The following ERC2 variants were observed in gnomAD, a reference collection of about 807,000 sequenced individuals.
ERC2 encodes ELKS/RAB6-interacting/CAST family member 2.
ERC2 carries 42 observed loss-of-function variants against 114.8 expected under a neutral mutation model. The ratio of observed to expected loss-of-function variants is 0.37; its 90% CI spans 0.29 to 0.47. The LOEUF is 0.47. ERC2 is among the 20% of genes least tolerant of loss of function. ERC2 has a pLI of 0.99. For synonymous variants in ERC2, 454 were observed against 425.5 expected (o/e 1.07, Z -0.82); for missense variants, 939 against 1,150.7 (o/e 0.82, Z 2.66).
At chr3:55,680,271 GAAATAA>G (rs1559491444) in intron 17 of ERC2, among the ~76,000 whole-genome samples, 1 of 152,156 alleles carries the variant, frequency 6.6e-6, no homozygotes. Context: ...AGTGGTTTAA[GAAATAA>G]AAACTTGTGT....
rs2051931970 is a variant in ERC2, at chr3:55,509,169, C to T, written c.*2147G>A. ...AATGAAAGTTGGGCAGAAAATGATC[C>T]CTCCAAACAAGAGCTGTGACAAAAT... is the stretch of plus-strand genomic sequence containing the variant. On this transcript the variant is annotated 3_prime_UTR_variant, in exon 18 of 18. Transcript: ENST00000288221. 6.6e-6 allele frequency: 1 copy of T among 152,324 alleles called. No individual in the cohort carries two copies. Among genetic ancestry groups the T allele is most frequent in the South Asian group, 2.1e-4 (1 of 4,814 alleles). The allele number at this position is 152,324 out of a possible 1,614,324, so 9.4% of individuals were successfully genotyped here.
At chr3:55,807,190 T>C (rs1315745482) in intron 14 of ERC2, among the ~76,000 whole-genome samples, 1 of 152,218 alleles carries the variant, frequency 6.6e-6, no homozygotes, top group Non-Finnish European at 1.5e-5. Flanking sequence ...ATGAGATGTA[T>C]ACATTGCACC....
intron 7 of ERC2, among the ~76,000 whole-genome samples, chr3:56,049,459 G>A (rs2075650878): frequency 6.6e-6 from 1 of 152,186 alleles, no homozygotes; most frequent in South Asian, 2.1e-4. Context: ...TGATTGGACT[G>A]AAGGATGCAA....
intron 1 of ERC2, among the ~76,000 whole-genome samples, chr3:56,449,774 A>G (rs566758677): frequency 1.4e-4 from 21 of 152,378 alleles, no homozygotes; most frequent in African/African-American, 4.6e-4. Flanking sequence ...GAAAGTACTT[A>G]GCACAATACC....
At position 56,044,142 on chromosome 3, in the gene ERC2, A is replaced by G. The variant is rs184913522; in HGVS notation, c.1642-25111T>C. The stretch of plus-strand genomic sequence containing the variant: ...TTCTGTCCTCTGGGATTTGCAGGAA[A>G]AAGAACAGCATCAAAGAAAACAATT... On this transcript the variant is annotated intron_variant, in intron 7 of 17. Coordinates refer to ENST00000288221, the MANE Select transcript of ERC2 (RefSeq NM_015576.3). Among the ~76,000 whole-genome samples, 136 of 152,346 alleles carry G rather than the reference A, an allele frequency of 8.9e-4. 1 individual carries two copies. Among genetic ancestry groups the G allele is most frequent in the South Asian group, 1.0e-3 (5 of 4,834 alleles).
intron 3 of ERC2, among the ~76,000 whole-genome samples, chr3:56,203,767 GA>G (rs1389359721): frequency 1.1e-4 from 16 of 152,198 alleles, no homozygotes; most frequent in African/African-American, 3.6e-4. Context: ...AGGACCATAT[GA>G]GTGGAGGAAG....
At chr3:56,277,550 G>A (rs1325720502) in intron 3 of ERC2, among the ~76,000 whole-genome samples, 9 of 152,010 alleles carry the variant, frequency 5.9e-5, no homozygotes, top group Admixed American at 5.9e-4. Context: ...TAGGTTCTTA[G>A]ATGTTCCTGT....
chr3:56,379,136 A>G (rs905382489), intron 2 of ERC2, among the ~76,000 whole-genome samples: 8 of 152,234 alleles, frequency 5.3e-5, no homozygotes, highest in Admixed American at 1.3e-4. Context: ...AAAGCGGTCA[A>G]TTCAGATAGC....
At chr3:56,369,313 T>A (rs2059272463) in intron 2 of ERC2, among the ~76,000 whole-genome samples, 1 of 152,146 alleles carries the variant, frequency 6.6e-6, no homozygotes, top group African/African-American at 2.4e-5. Context: ...TATCACTGGA[T>A]CCCCATGATA....
At chr3:55,572,180 G>A (rs577851557) in intron 17 of ERC2, among the ~76,000 whole-genome samples, 39 of 152,210 alleles carry the variant, frequency 2.6e-4, no homozygotes, top group Non-Finnish European at 4.6e-4. Flanking sequence ...GCCAGGGAGC[G>A]TCGCCTTTTA....
At chr3:55,610,773 G>C (rs2058879458) in intron 17 of ERC2, 1 of 152,202 alleles carries the variant, frequency 6.6e-6, no homozygotes, top group Non-Finnish European at 1.5e-5. Context: ...TTAAGGACAA[G>C]AGTGAAGAAA....
At chr3:55,976,985 C>T (rs916787629) in intron 12 of ERC2, among the ~76,000 whole-genome samples, 2 of 152,200 alleles carry the variant, frequency 1.3e-5, no homozygotes, top group African/African-American at 2.4e-5. Flanking sequence ...TTGCCCCTTC[C>T]ACCTTGTTCT....
chr3:56,313,875 A>G (rs897105078), intron 2 of ERC2, among the ~76,000 whole-genome samples: 43 of 152,262 alleles, frequency 2.8e-4, no homozygotes, highest in African/African-American at 9.6e-4. Flanking sequence ...TTCTGATTAA[A>G]GAAAAAAGAA....
intron 2 of ERC2, among the ~76,000 whole-genome samples, chr3:56,353,798 G>A (rs188335080): frequency 6.1e-4 from 39 of 63,604 alleles, no homozygotes; most frequent in Admixed American, 6.0e-3. Flanking sequence ...AGAACTTAAC[G>A]TATAATAAAA....
chr3:55,644,820 G>T (rs1225779074), intron 17 of ERC2, among the ~76,000 whole-genome samples: 1 of 151,794 alleles, frequency 6.6e-6, no homozygotes, highest in Non-Finnish European at 1.5e-5. Flanking sequence ...CATTTTCTGG[G>T]GAGAGAGTCC....
At chr3:56,238,256 C>T (rs2051094293) in intron 3 of ERC2, among the ~76,000 whole-genome samples, 1 of 152,232 alleles carries the variant, frequency 6.6e-6, no homozygotes, top group South Asian at 2.1e-4. Flanking sequence ...GAACCACAGC[C>T]TCTGTCCTTG....
chr3:56,134,606 A>T (rs897827103), intron 6 of ERC2, among the ~76,000 whole-genome samples: 1 of 151,948 alleles, frequency 6.6e-6, no homozygotes, highest in African/African-American at 2.4e-5. Flanking sequence ...TAAGATTCTC[A>T]TCTGTGTTGA....
intron 4 of ERC2, among the ~76,000 whole-genome samples, chr3:56,152,288 C>T (rs1391655674): frequency 6.6e-6 from 1 of 151,882 alleles, no homozygotes; most frequent in Non-Finnish European, 1.5e-5. Context: ...GAAGTCAATT[C>T]CTGAAAAAAA....
chr3:56,431,087 G>A (rs1336616089), intron 2 of ERC2, among the ~76,000 whole-genome samples: 1 of 152,144 alleles, frequency 6.6e-6, no homozygotes, highest in East Asian at 1.9e-4. Context: ...TACCTCAGAT[G>A]ACTGATGAAA....
Sources: allele counts gnomAD v4.1 joint callset (sites outside exome capture counted in the v4.1 genomes callset), GRCh38; gene constraint gnomAD v4.1.1; transcripts MANE v1.5; gene names NCBI Gene and HGNC (gene_info 2026-07-23, HGNC 2026-07-21).